The following HCN1 variants were observed in gnomAD, a reference collection of about 807,000 sequenced individuals.
The protein encoded by HCN1 is hyperpolarization activated cyclic nucleotide gated potassium channel 1, also known as potassium/sodium hyperpolarization-activated cyclic nucleotide-gated channel 1.
Under a neutral mutation model 78.9 loss-of-function variants are expected in HCN1, and 13 were observed. The observed-to-expected ratio is 0.16, with a 90% CI of 0.11 to 0.26. The LOEUF is 0.26. Ranked by LOEUF, HCN1 falls within the 10% of genes least tolerant of loss-of-function variation. The pLI is 1.00. For synonymous variants in HCN1, 552 were observed against 455.5 expected (o/e 1.21, Z -2.70); for missense variants, 810 against 1,154.3 (o/e 0.70, Z 4.32).
chr5:45,302,355 A>C (rs1437342108), intron 6 of HCN1, among the ~76,000 whole-genome samples: 1 of 151,992 alleles, frequency 6.6e-6, no homozygotes, highest in African/African-American at 2.4e-5. Context: ...CTGTGATTGT[A>C]AGTTTCCTGA....
At chr5:45,263,307 T>C (rs546350767) in intron 7 of HCN1, among the ~76,000 whole-genome samples, 1 of 151,926 alleles carries the variant, frequency 6.6e-6, no homozygotes, top group Admixed American at 6.6e-5. Context: ...TCATTTTACC[T>C]GAAAGGAGAT....
Position 45,454,495 on chromosome 5 carries a change from A to AT in HCN1, c.1011+7350_1011+7351insA, listed in dbSNP as rs531679708. Among the ~76,000 whole-genome samples, 190 of 151,872 alleles carry AT rather than the reference A, an allele frequency of 1.3e-3. 1 individual carries two copies. The highest frequency in any genetic ancestry group is 4.5e-3 in the African/African-American group (185 of 41,426). The stretch of plus-strand genomic sequence containing the variant: ...TGTTAGGTCTTAAAAAAAAATAAAA[A>AT]AAAATAAAAAAAAATAAAATCTTTC... On this transcript the variant is annotated intron_variant, in intron 3 of 7. Coordinates refer to ENST00000303230, the MANE Select transcript of HCN1 (RefSeq NM_021072.4).
chr5:45,286,885 A>G (rs1745279305), intron 6 of HCN1, among the ~76,000 whole-genome samples: 1 of 152,064 alleles, frequency 6.6e-6, no homozygotes, highest in Non-Finnish European at 1.5e-5. Flanking sequence ...CGCAATTTAA[A>G]GTGACTAAAT....
chr5:45,413,057 C>A (rs554746368), intron 3 of HCN1, among the ~76,000 whole-genome samples: 39 of 151,810 alleles, frequency 2.6e-4, no homozygotes, highest in African/African-American at 9.4e-4. Flanking sequence ...ATTCTCTAAT[C>A]GATTATGGTG....
At chr5:45,359,416 AATAT>A (rs377418463) in intron 4 of HCN1, among the ~76,000 whole-genome samples, 13 of 142,572 alleles carry the variant, frequency 9.1e-5, no homozygotes, top group African/African-American at 3.1e-4. Context: ...AAAAAAAAAA[AATAT>A]ATATATATAT....
chr5:45,440,973 C>T (rs1441122584), intron 3 of HCN1, among the ~76,000 whole-genome samples: 3 of 152,184 alleles, frequency 2.0e-5, no homozygotes, highest in Non-Finnish European at 2.9e-5. Context: ...CCACTCCAGC[C>T]ACACCAGCCA....
intron 2 of HCN1, among the ~76,000 whole-genome samples, chr5:45,490,639 T>G (rs138467114): frequency 3.3e-5 from 5 of 152,134 alleles, no homozygotes; most frequent in African/African-American, 1.2e-4. Context: ...TTGACCAACT[T>G]TTCTTATGAT....
intron 2 of HCN1, among the ~76,000 whole-genome samples, chr5:45,494,656 A>G (rs1741982423): frequency 1.3e-5 from 2 of 151,950 alleles, no homozygotes; most frequent in Admixed American, 6.6e-5. Context: ...TTGGTGTTTT[A>G]GACATGAAGT....
At chr5:45,376,221 TA>T (rs1482151657) in intron 4 of HCN1, among the ~76,000 whole-genome samples, 1 of 113,172 alleles carries the variant, frequency 8.8e-6, no homozygotes, top group Non-Finnish European at 1.7e-5. Context: ...TAATACATTA[TA>T]TATAATATAT....
chr5:45,312,380 T>TG (rs1745867686), intron 5 of HCN1, among the ~76,000 whole-genome samples: 1 of 152,144 alleles, frequency 6.6e-6, no homozygotes, highest in South Asian at 2.1e-4. Flanking sequence ...AAGTATTTGC[T>TG]GGGGGCGGTT....
chr5:45,690,575 G>A (rs1456093308), intron 1 of HCN1, among the ~76,000 whole-genome samples: 2 of 151,982 alleles, frequency 1.3e-5, no homozygotes, highest in Non-Finnish European at 2.9e-5. Context: ...CAGGAATCCT[G>A]ATTTTTTTTT....
intron 2 of HCN1, among the ~76,000 whole-genome samples, chr5:45,637,051 G>T (rs1434821901): frequency 6.6e-6 from 1 of 152,104 alleles, no homozygotes; most frequent in Non-Finnish European, 1.5e-5. Flanking sequence ...GATTCTATGA[G>T]ATTGGACAGA....
At chr5:45,492,246 C>A (rs1328063353) in intron 2 of HCN1, among the ~76,000 whole-genome samples, 1 of 151,048 alleles carries the variant, frequency 6.6e-6, no homozygotes, top group South Asian at 2.1e-4. Context: ...AGGCAGGGAG[C>A]CATTTTTACC....
intron 2 of HCN1, among the ~76,000 whole-genome samples, chr5:45,497,748 A>C (rs78677043): frequency 6.6e-6 from 1 of 151,986 alleles, no homozygotes; most frequent in Non-Finnish European, 1.5e-5. Flanking sequence ...CATGTTTAGC[A>C]CTTCCTTCAG....
chr5:45,523,189 C>T (rs973930156), intron 2 of HCN1, among the ~76,000 whole-genome samples: 1 of 152,138 alleles, frequency 6.6e-6, no homozygotes, highest in African/African-American at 2.4e-5. Flanking sequence ...GACATGAACT[C>T]ATCATTTCTT....
intron 1 of HCN1, among the ~76,000 whole-genome samples, chr5:45,666,132 A>T (rs1362459921): frequency 6.6e-6 from 1 of 152,060 alleles, no homozygotes; most frequent in Non-Finnish European, 1.5e-5. Flanking sequence ...TAGCCTATGA[A>T]TCTTAGAATG....
intron 1 of HCN1, among the ~76,000 whole-genome samples, chr5:45,692,467 G>A (rs764298419): frequency 2.4e-4 from 36 of 152,198 alleles, no homozygotes; most frequent in Non-Finnish European, 4.9e-4. Context: ...CCTAGTTTGG[G>A]TGCTTATATA....
At chr5:45,551,787 T>A (rs1743375849) in intron 2 of HCN1, among the ~76,000 whole-genome samples, 2 of 151,930 alleles carry the variant, frequency 1.3e-5, no homozygotes, top group Admixed American at 6.6e-5. Context: ...ACAAAAACAA[T>A]CTTGAATATA....
chr5:45,600,276 A>C (rs766329969), intron 2 of HCN1, among the ~76,000 whole-genome samples: 6 of 152,070 alleles, frequency 3.9e-5, no homozygotes, highest in Non-Finnish European at 8.8e-5. Context: ...AGTTCTGAGT[A>C]AAATATTTGA....
Sources: allele counts gnomAD v4.1 joint callset (sites outside exome capture counted in the v4.1 genomes callset), GRCh38; gene constraint gnomAD v4.1.1; transcripts MANE v1.5; gene names NCBI Gene and HGNC (gene_info 2026-07-23, HGNC 2026-07-21).